Variants in MED13L observed in about 807,000 individuals in gnomAD.
MED13L encodes the protein mediator of RNA polymerase II transcription subunit 13-like.
Under a neutral mutation model 220.9 loss-of-function variants are expected in MED13L, and 7 were observed. That is an observed-to-expected ratio of 0.03 (90% CI 0.02 to 0.06). The LOEUF (loss-of-function observed/expected upper bound fraction) is 0.06. MED13L is among the 10% of genes least tolerant of loss of function. MED13L has a pLI of 1.00. For missense variants in MED13L, 1,965 were observed against 2,760.5 expected (o/e 0.71, Z 6.46); for synonymous variants, 1,011 against 1,015.2 (o/e 1.00, Z 0.08).
At position 116,102,835 on chromosome 12, in the gene MED13L, C is replaced by A. The variant is rs1396906733; in HGVS notation, c.396-6083G>T. Among the ~76,000 whole-genome samples, 4 of 149,514 alleles carry A rather than the reference C, an allele frequency of 2.7e-5. No individual in the cohort carries two copies. In the Admixed American group the frequency reaches 2.7e-4, roughly 10 times the overall value. ...CTCCCAGGTTCAAGCGATTCTCCTG[C>A]CTCAGCCTCCTGAGTAGCCGGGATT... is the stretch of plus-strand genomic sequence containing the variant. On this transcript the variant is annotated intron_variant, in intron 3 of 30. Transcript: ENST00000281928.
At chr12:116,019,150 C>G in intron 7 of MED13L, 74 bp downstream of exon 7, 2 of 1,459,090 alleles carry the variant, frequency 1.4e-6, no homozygotes, top group South Asian at 2.6e-5. Context: ...TGTTTTCTCA[C>G]CTGTTCCATG....
chr12:116,145,304 T>C (rs1373305131), intron 2 of MED13L, among the ~76,000 whole-genome samples: 1 of 152,206 alleles, frequency 6.6e-6, no homozygotes, highest in Non-Finnish European at 1.5e-5. Context: ...ATGGTGTGCA[T>C]ACAAAGATTT....
intron 2 of MED13L, among the ~76,000 whole-genome samples, chr12:116,223,471 G>T (rs1868642265): frequency 6.6e-6 from 1 of 152,094 alleles, no homozygotes; most frequent in Non-Finnish European, 1.5e-5. Context: ...ACTTTGGGAG[G>T]CCGGGTTAGG....
At position 115,960,832 on chromosome 12, in the gene MED13L, T is replaced by G; in HGVS notation, c.*434A>C. On this transcript the variant is annotated 3_prime_UTR_variant, in exon 31 of 31. Transcript: ENST00000281928. ...TTTTAAAAAGTCCCAGATTATGGAG[T>G]TCAGGTAACCCACAGGCCATACACC... 4.3e-6 allele frequency: 1 copy of G among 232,022 alleles called. No homozygotes were observed. Among genetic ancestry groups the G allele is most frequent in the Non-Finnish European group, 8.7e-6 (1 of 115,254 alleles). 14.4% of individuals were successfully genotyped at this position (232,022 alleles called of 1,614,324 possible).
intron 4 of MED13L, among the ~76,000 whole-genome samples, chr12:116,064,578 C>T (rs1869770404): frequency 6.6e-6 from 1 of 152,182 alleles, no homozygotes; most frequent in South Asian, 2.1e-4. Context: ...TTAACAACAG[C>T]TTACTTGATG....
chr12:115,974,885 T>C (rs1051699307), intron 25 of MED13L, among the ~76,000 whole-genome samples: 4 of 152,234 alleles, frequency 2.6e-5, no homozygotes, highest in African/African-American at 4.8e-5. Context: ...CCTGATTCAA[T>C]ATATAAATAA....
intron 9 of MED13L, among the ~76,000 whole-genome samples, chr12:116,010,396 C>CATT (rs1188362114): frequency 6.6e-6 from 1 of 152,120 alleles, no homozygotes; most frequent in African/African-American, 2.4e-5. Flanking sequence ...TCTCAGAGAG[C>CATT]ATTTACCCGC....
rs377542493 is a variant in MED13L at position 116,270,924 on chromosome 12, C to G, written c.72+6136G>C. Among the ~76,000 whole-genome samples the G allele has an allele frequency of 5.8e-4, 87 of 151,174 alleles. 1 individual carries two copies. The East Asian group carries it at 0.014, about 24-fold the overall frequency. ...GGGCATAGTGGCGCGCGCCTGTAGT[C>G]CCAGCTACTCGGGAGGCTGAGGCAG... is the stretch of plus-strand genomic sequence containing the variant. On this transcript the variant is annotated intron_variant, in intron 1 of 30. Transcript: ENST00000281928.
At chr12:116,027,503 G>C (rs1054984262) in intron 4 of MED13L, among the ~76,000 whole-genome samples, 1 of 152,166 alleles carries the variant, frequency 6.6e-6, no homozygotes, top group Non-Finnish European at 1.5e-5. Flanking sequence ...AGGGGAAAGA[G>C]AGAATTCACA....
chr12:116,022,517 T>G lies in MED13L; in HGVS notation c.564A>C (p.Pro188=). ...CTSVEIAQHQ[P]IYLINEEHIH... ...TATGCTCCTCATTGATCAAATAAAT[T>G]GGCTGGTGCTGGGCAATCTCCACAC... The change falls in exon 5 of 31, where the codon CCA becomes CCC. Residue 188 remains proline (P), a synonymous_variant. Coordinates refer to ENST00000281928, the MANE Select transcript of MED13L (RefSeq NM_015335.5). 1 of 1,613,654 alleles carries G rather than the reference T, an allele frequency of 6.2e-7. No homozygotes were observed. The highest frequency in any genetic ancestry group is 8.5e-7 in the Non-Finnish European group (1 of 1,179,856).
chr12:116,035,404 A>G (rs1330267940), intron 4 of MED13L, among the ~76,000 whole-genome samples: 1 of 152,174 alleles, frequency 6.6e-6, no homozygotes, highest in African/African-American at 2.4e-5. Context: ...AAACTATGCA[A>G]TCTTTACAAT....
At chr12:116,134,945 G>A (rs957438903) in intron 2 of MED13L, among the ~76,000 whole-genome samples, 15 of 152,206 alleles carry the variant, frequency 9.9e-5, no homozygotes, top group Non-Finnish European at 1.6e-4. Context: ...TGAGGCAGGC[G>A]GATCACGAGG....
chr12:116,025,138 A>G (rs1292162885), intron 4 of MED13L, among the ~76,000 whole-genome samples: 4 of 152,214 alleles, frequency 2.6e-5, no homozygotes, highest in Admixed American at 2.0e-4. Context: ...AATGTTCAAC[A>G]TGAGTAATCA....
intron 30 of MED13L, among the ~76,000 whole-genome samples, chr12:115,962,942 A>G (rs1875870242): frequency 6.6e-6 from 1 of 152,058 alleles, no homozygotes; most frequent in Non-Finnish European, 1.5e-5. Flanking sequence ...AATGGCATGA[A>G]CCCAGGAGGC....
At chr12:116,235,799 T>C (rs928493083) in intron 2 of MED13L, among the ~76,000 whole-genome samples, 10 of 152,298 alleles carry the variant, frequency 6.6e-5, no homozygotes, top group Non-Finnish European at 1.0e-4. Flanking sequence ...ATTTATTCTA[T>C]ATTATCAACT....
chr12:116,015,329 CAT>C (rs1879662406), intron 7 of MED13L, 55 bp from the exon 8 acceptor site: 2 of 1,546,498 alleles, frequency 1.3e-6, no homozygotes, highest in Non-Finnish European at 1.8e-6. Context: ...TTTCCTACTT[CAT>C]AGACTGCTAT....
intron 28 of MED13L, among the ~76,000 whole-genome samples, chr12:115,967,186 A>AAAC (rs1876234452): frequency 1.3e-5 from 2 of 151,494 alleles, no homozygotes; most frequent in Admixed American, 6.6e-5. Flanking sequence ...AAAAAAAAAA[A>AAAC]AAAAAAAAAA....
chr12:116,009,293 T>C (rs1216424814), intron 9 of MED13L, 161 bp from the exon 10 acceptor site: 2 of 683,766 alleles, frequency 2.9e-6, no homozygotes, highest in South Asian at 1.9e-5. Context: ...TACACCCCAA[T>C]GAAAAATGAA....
At chr12:116,155,000 T>C (rs1345137272) in intron 2 of MED13L, among the ~76,000 whole-genome samples, 2 of 152,086 alleles carry the variant, frequency 1.3e-5, no homozygotes, top group African/African-American at 4.8e-5. Context: ...CTAATTTCTG[T>C]ATTTTTAGTA....
Sources: allele counts gnomAD v4.1 joint callset (sites outside exome capture counted in the v4.1 genomes callset), GRCh38; gene constraint gnomAD v4.1.1; transcripts MANE v1.5; gene names NCBI Gene and HGNC (gene_info 2026-07-23, HGNC 2026-07-21).